The following TCF20 variants were observed in gnomAD, a reference collection of about 807,000 sequenced individuals.
TCF20 encodes transcription factor 20.
In TCF20, 3 loss-of-function variants were observed where a neutral mutation model predicts 148.6. That is an observed-to-expected ratio of 0.02 (90% CI 0.01 to 0.05). The LOEUF (loss-of-function observed/expected upper bound fraction) is 0.05, where lower values mean the gene tolerates loss of function less well. Ranked by LOEUF, TCF20 falls within the 10% of genes least tolerant of loss-of-function variation. The probability of loss-of-function intolerance (pLI) is 1.00; values close to 1 mark genes in which losing one functional copy is unlikely to be tolerated. For synonymous variants in TCF20, 1,049 were observed against 909.5 expected (o/e 1.15, Z -2.76); for missense variants, 2,350 against 2,429.3 (o/e 0.97, Z 0.69).
At chr22:42,220,440 C>T (rs1569159999) in intron 1 of TCF20, among the ~76,000 whole-genome samples, 2 of 152,212 alleles carry the variant, frequency 1.3e-5, no homozygotes, top group African/African-American at 2.4e-5. Context: ...TCAAGCCATC[C>T]TGCTGTTTCA....
rs748432979 is a variant in TCF20 at position 42,214,511 on chromosome 22, A to G, written c.795T>C (p.Asn265=). The stretch of plus-strand genomic sequence containing the variant: ...CTTCATACTGAGATCCAGCATTCAC[A>G]TTGTAACTGCCATCATAGCTCTGTC... ...QSGQSYDGSY[N]VNAGSQYEGH... is the part of the protein sequence containing the mutation. Residue 265 remains asparagine, a synonymous_variant, in exon 2 of 6, where the codon AAT becomes AAC. Coordinates refer to ENST00000677622, the MANE Select transcript of TCF20 (RefSeq NM_001378418.1). 18 of 1,614,030 alleles carry G rather than the reference A, an allele frequency of 1.1e-5. No individual in the cohort carries two copies. In the East Asian group the frequency reaches 2.2e-4, roughly 20 times the overall value.
chr22:42,202,650 G>A (rs181986035), intron 2 of TCF20, among the ~76,000 whole-genome samples: 2 of 152,370 alleles, frequency 1.3e-5, no homozygotes, highest in Admixed American at 6.5e-5. Context: ...ATCTGCAGTA[G>A]CAAGCCTTGA....
chr22:42,229,799 C>T (rs753342638), intron 1 of TCF20, among the ~76,000 whole-genome samples: 14 of 152,168 alleles, frequency 9.2e-5, no homozygotes, highest in Non-Finnish European at 1.8e-4. Flanking sequence ...GTGATCTTGC[C>T]TTCCCCAAAC....
intron 1 of TCF20, among the ~76,000 whole-genome samples, chr22:42,245,991 A>G (rs1163527335): frequency 1.3e-5 from 2 of 152,222 alleles, no homozygotes; most frequent in South Asian, 2.1e-4. Context: ...CACCCTGAGG[A>G]CAAGTACTAG....
At chr22:42,238,223 GT>G (rs1176625589) in intron 1 of TCF20, among the ~76,000 whole-genome samples, 1 of 152,170 alleles carries the variant, frequency 6.6e-6, no homozygotes, top group African/African-American at 2.4e-5. Context: ...TACAGAGATG[GT>G]TTCAAGAACT....
At chr22:42,215,465 C>CT in intron 1 of TCF20, 124 bp from the exon 2 acceptor site, 1 of 1,247,970 alleles carries the variant, frequency 8.0e-7, no homozygotes, top group South Asian at 1.8e-5. Context: ...GTTTGAATTT[C>CT]TATTTTTTTT....
chr22:42,251,101 C>T (rs906420302), intron 1 of TCF20, among the ~76,000 whole-genome samples: 4 of 152,176 alleles, frequency 2.6e-5, no homozygotes, highest in Non-Finnish European at 4.4e-5. Flanking sequence ...GAGATTTGGG[C>T]AGGGACACAT....
At chr22:42,168,828 G>A (rs1935952234) in intron 4 of TCF20, 92 bp from the exon 5 acceptor site, 4 of 1,419,744 alleles carry the variant, frequency 2.8e-6, no homozygotes, top group Non-Finnish European at 3.7e-6. Flanking sequence ...GTGGCACATG[G>A]AAAAGGAAAG....
chr22:42,290,858 A>C lies in TCF20; in HGVS notation c.-37+52621T>G, dbSNP rs1469600871. 6.6e-6 allele frequency among the ~76,000 whole-genome samples: 1 copy of C among 152,204 alleles called. No individual in the cohort carries two copies. The highest frequency in any genetic ancestry group is 1.5e-5 in the Non-Finnish European group (1 of 68,014). ...CCCATCCTGGTCCACTGAAGACCCT[A>C]GAACAGTGCTGGGAGGACTCACATC... On this transcript the variant is annotated intron_variant, in intron 1 of 1. Transcript: ENST00000515426. The surrounding 1 kb of genome is among the most constrained non-coding windows in gnomAD (Gnocchi z 4.2).
chr22:42,233,846 A>G (rs1923645271), intron 1 of TCF20, among the ~76,000 whole-genome samples: 2 of 152,188 alleles, frequency 1.3e-5, no homozygotes, highest in Admixed American at 1.3e-4. Context: ...AGGCAGGTTA[A>G]TTTTCACCTC....
intron 2 of TCF20, among the ~76,000 whole-genome samples, chr22:42,205,673 G>C (rs745323527): frequency 6.6e-6 from 1 of 152,236 alleles, no homozygotes. Context: ...GTCCTTGAGT[G>C]CACTGAGAAA....
chr22:42,323,944 ATGGAGGTTATGGTGGTG>A (rs1927799040), intron 1 of TCF20, among the ~76,000 whole-genome samples: 7 of 12,404 alleles, frequency 5.6e-4, no homozygotes, highest in Non-Finnish European at 8.5e-4. Flanking sequence ...GGTGGTGGTG[ATGGAGGTTATGGTGGTG>A]GTGGTGATGG....
chr22:42,204,565 C>T (rs565227888), intron 2 of TCF20, among the ~76,000 whole-genome samples: 1 of 152,122 alleles, frequency 6.6e-6, no homozygotes, highest in Admixed American at 6.5e-5. Flanking sequence ...AGAAAATTGG[C>T]CAGGCACAGT....
Position 42,310,601 on chromosome 22 carries a change from C to T in TCF20, c.-37+32878G>A, listed in dbSNP as rs1456114690. On this transcript the variant is annotated intron_variant, in intron 1 of 1. Transcript: ENST00000515426. ...CCCTGAGGAGGAAAGGAGTATGGCT[C>T]GTGGAAGTGGCAGCCCGCATGGCTG... Among the ~76,000 whole-genome samples, 13 of 151,408 alleles carry T rather than the reference C, an allele frequency of 8.6e-5. 1 individual carries two copies. The highest frequency in any genetic ancestry group is 6.2e-4 in the South Asian group (3 of 4,826).
At chr22:42,201,866 A>C (rs1284054940) in intron 2 of TCF20, among the ~76,000 whole-genome samples, 1 of 152,036 alleles carries the variant, frequency 6.6e-6, no homozygotes, top group Non-Finnish European at 1.5e-5. Context: ...TTGTCATCTC[A>C]CTAGAATGTT....
At chr22:42,324,455 A>T (rs1304775854) in intron 1 of TCF20, among the ~76,000 whole-genome samples, 1 of 152,120 alleles carries the variant, frequency 6.6e-6, no homozygotes, top group East Asian at 1.9e-4. Context: ...CTGAGAAAAT[A>T]ATCTCCACCA....
intron 1 of TCF20, among the ~76,000 whole-genome samples, chr22:42,234,664 AACCAAAAAATAGTTT>A (rs1923719060): frequency 6.6e-6 from 1 of 152,184 alleles, no homozygotes; most frequent in Non-Finnish European, 1.5e-5. Flanking sequence ...TAAAAGCCCA[AACCAAAAAATAGTTT>A]GCAGGATTAT....
chr22:42,210,781 G>C lies in TCF20; in HGVS notation c.4525C>G (p.Pro1509Ala). 2.5e-6 allele frequency: 4 copies of C among 1,614,166 alleles called. No individual in the cohort carries two copies. Among genetic ancestry groups the C allele is most frequent in the Non-Finnish European group, 3.4e-6 (4 of 1,180,042 alleles). The change falls in exon 2 of 6, where the codon CCC becomes GCC. Residue 1509 changes from proline (P) to alanine (A), a missense_variant. Pro to Ala is a conservative substitution (Grantham distance 27, BLOSUM62 -1). Coordinates refer to ENST00000677622, the MANE Select transcript of TCF20 (RefSeq NM_001378418.1). The surrounding 1 kb of genome is among the most constrained non-coding windows in gnomAD (Gnocchi z 4.7). The part of the protein sequence containing the change: ...PVGILAPEAN[P>A]KAEEKENDTV... ...TCGTTCTCCTTCTCTTCAGCCTTGG[G>C]GTTTGCCTCAGGGGCCAATATGCCC... is the stretch of plus-strand genomic sequence containing the variant.
intron 1 of TCF20, among the ~76,000 whole-genome samples, chr22:42,328,171 G>A (rs1927907476): frequency 6.6e-6 from 1 of 152,124 alleles, no homozygotes; most frequent in African/African-American, 2.4e-5. Context: ...AGCCATGCAG[G>A]GGGCGTGAGC....
Sources: gnomAD v4.1 joint callset for allele counts (sites outside exome capture counted in the v4.1 genomes callset) on GRCh38, gnomAD v4.1.1 for gene constraint, Gnocchi (gnomAD v3.1) non-coding constraint, MANE v1.5 for transcripts, NCBI Gene and HGNC (gene_info 2026-07-23, HGNC 2026-07-21) for gene names.